The following DYNC2I1 variants were observed in gnomAD, a reference collection of about 807,000 sequenced individuals.
DYNC2I1 encodes dynein 2 intermediate chain 1.
Under a neutral mutation model 133.4 loss-of-function variants are expected in DYNC2I1, and 89 were observed. The observed-to-expected ratio is 0.67, with a 90% CI of 0.56 to 0.80. The LOEUF is 0.80. DYNC2I1 is among the 30% of genes least tolerant of loss of function. DYNC2I1 has a pLI of 0.00. For missense variants in DYNC2I1, 1,291 were observed against 1,314.5 expected (o/e 0.98, Z 0.28); for synonymous variants, 504 against 484.3 (o/e 1.04, Z -0.54).
At chr7:158,951,818 C>A (rs987517094) in intron 4 of DYNC2I1, among the ~76,000 whole-genome samples, 2 of 152,184 alleles carry the variant, frequency 1.3e-5, no homozygotes, top group African/African-American at 4.8e-5. Flanking sequence ...GAAGCTCCTC[C>A]TACCTCCCTG....
chr7:158,841,180 TA>T, the DYNC2I1 span, among the ~76,000 whole-genome samples: 3 of 12,674 alleles, frequency 2.4e-4, no homozygotes, highest in South Asian at 1.9e-3. Context: ...TATATATATA[TA>T]TATATATATA....
the DYNC2I1 span, among the ~76,000 whole-genome samples, chr7:158,851,338 G>T: frequency 1.3e-5 from 2 of 152,104 alleles, no homozygotes; most frequent in African/African-American, 4.8e-5. Flanking sequence ...TTCAAGACCA[G>T]CCTGGGCAAC....
intron 23 of DYNC2I1, among the ~76,000 whole-genome samples, chr7:158,935,273 G>A (rs1249139040): frequency 6.6e-6 from 1 of 152,194 alleles, no homozygotes; most frequent in East Asian, 1.9e-4. Flanking sequence ...TCCCCTCCAG[G>A]GCCTGGTGTC....
intron 13 of DYNC2I1, 42 bp downstream of exon 13, chr7:158,913,138 C>A: frequency 7.0e-7 from 1 of 1,418,608 alleles, no homozygotes; most frequent in Non-Finnish European, 9.7e-7. Flanking sequence ...ACTCTCTTTA[C>A]ATTCTTTTTT....
rs1851450869 is a variant in DYNC2I1 at position 158,942,231 on chromosome 7, T to G, written c.3002+83T>G. 10 of 1,093,056 alleles carry G rather than the reference T, an allele frequency of 9.1e-6. No homozygotes were observed. In the South Asian group the frequency reaches 1.7e-4, roughly 18 times the overall value. The allele number at this position is 1,093,056 out of a possible 1,614,324, so 67.7% of individuals were successfully genotyped here. On this transcript the variant is annotated intron_variant, in intron 24 of 24. Coordinates refer to ENST00000407559, the MANE Select transcript of DYNC2I1 (RefSeq NM_018051.5). Reference sequence around the variant, plus strand: ...CCACTTACGGTCTTTCTTCATTAATTTTTGCATGAGGCTGCTACATTTTAA... The same window carrying G: ...CCACTTACGGTCTTTCTTCATTAATGTTTGCATGAGGCTGCTACATTTTAA...
rs1842879394 is a variant in DYNC2I1, at chr7:158,871,567, G to A, written c.490+5G>A. ...CGGAGAGGAAAGGCCGCTCAGGTGG[G>A]TCCCCGCTTGCCTTCCTGTGGTTCC... On this transcript the variant is annotated splice_donor_5th_base_variant and intron_variant, in intron 3 of 24. Transcript: ENST00000407559. 2 of 1,523,970 alleles carry A rather than the reference G, an allele frequency of 1.3e-6. No individual in the cohort carries two copies. Among genetic ancestry groups the A allele is most frequent in the South Asian group, 2.4e-5 (2 of 82,048 alleles). The allele number at this position is 1,523,970 out of a possible 1,614,324, so 94.4% of individuals were successfully genotyped here.
the DYNC2I1 span, among the ~76,000 whole-genome samples, chr7:158,847,362 G>A: frequency 1.3e-5 from 2 of 151,970 alleles, no homozygotes; most frequent in African/African-American, 2.4e-5. Context: ...ACTTTAAATA[G>A]TGACTCTTAA....
chr7:158,850,257 C>G, the DYNC2I1 span, among the ~76,000 whole-genome samples: 1 of 152,102 alleles, frequency 6.6e-6, no homozygotes, highest in African/African-American at 2.4e-5. Context: ...GGCTCTTGTT[C>G]CCAGCTCCTG....
chr7:158,924,319 C>T (rs918975656), intron 17 of DYNC2I1, among the ~76,000 whole-genome samples: 4 of 152,262 alleles, frequency 2.6e-5, no homozygotes, highest in Admixed American at 6.5e-5. Context: ...ACGACATGGT[C>T]GGGCCTGCAC....
At position 158,884,438 on chromosome 7, in the gene DYNC2I1, G is replaced by T. The variant is rs1844394672; in HGVS notation, c.880-126G>T. ...CTGGTAAAAATAGTTATTTTAAAAG[G>T]TACTTGTGATGTACATGCTGTTGTT... On this transcript the variant is annotated intron_variant, in intron 5 of 24. Coordinates refer to ENST00000407559, the MANE Select transcript of DYNC2I1 (RefSeq NM_018051.5). 2.2e-5 allele frequency: 15 copies of T among 688,732 alleles called. 1 individual carries two copies. In the Admixed American group the frequency reaches 3.9e-4, roughly 18 times the overall value. The allele number at this position is 688,732 out of a possible 1,614,324, so 42.7% of individuals were successfully genotyped here. A position where few individuals can be genotyped will look rare whatever the true frequency, so the allele number is the denominator to read the frequency against.
At chr7:158,954,161 T>C (rs1399128676) in intron 4 of DYNC2I1, among the ~76,000 whole-genome samples, 2 of 152,160 alleles carry the variant, frequency 1.3e-5, no homozygotes, top group Admixed American at 6.5e-5. Context: ...TGCCTTTGCT[T>C]CTCCTTTGCC....
rs559016129 is a variant in DYNC2I1, at chr7:158,897,405, A to C, written c.1060-4334A>C. Among the ~76,000 whole-genome samples, 4 of 152,288 alleles carry C rather than the reference A, an allele frequency of 2.6e-5. 1 individual carries two copies. Among genetic ancestry groups the C allele is most frequent in the African/African-American group, 9.6e-5 (4 of 41,566 alleles). Reference sequence around the variant, plus strand: ...TTTCTTTTTTAGAAGGTTATTAATTATTGACTTGATGTCTTAATAGGTATA... The same window carrying C: ...TTTCTTTTTTAGAAGGTTATTAATTCTTGACTTGATGTCTTAATAGGTATA... On this transcript the variant is annotated intron_variant, in intron 8 of 24. Coordinates refer to ENST00000407559, the MANE Select transcript of DYNC2I1 (RefSeq NM_018051.5).
intron 2 of DYNC2I1, among the ~76,000 whole-genome samples, chr7:158,870,576 T>C (rs1005388344): frequency 3.3e-5 from 5 of 152,130 alleles, no homozygotes; most frequent in Non-Finnish European, 5.9e-5. Context: ...TCTTGCTATG[T>C]TGCTTGGGCT....
At chr7:158,943,732 G>A (rs1472691196) in intron 24 of DYNC2I1, among the ~76,000 whole-genome samples, 1 of 152,164 alleles carries the variant, frequency 6.6e-6, no homozygotes, top group African/African-American at 2.4e-5. Flanking sequence ...GCACCCTTCG[G>A]TTCTGGAGCC....
At chr7:158,935,109 T>A (rs1444273085) in intron 23 of DYNC2I1, among the ~76,000 whole-genome samples, 1 of 152,270 alleles carries the variant, frequency 6.6e-6, no homozygotes, top group African/African-American at 2.4e-5. Flanking sequence ...TGTGAGGATT[T>A]TTGCCTGTGT....
the DYNC2I1 span, among the ~76,000 whole-genome samples, chr7:158,839,819 C>CAA: frequency 5.5e-4 from 77 of 141,178 alleles, no homozygotes; most frequent in African/African-American, 1.8e-3. Context: ...GACTCCGTCT[C>CAA]AAAAAAAAAA....
Position 158,871,527 on chromosome 7 carries a change from A to C in DYNC2I1, c.455A>C (p.Gln152Pro). ...CTGGGCCAGGAGACACGCGACCGGC[A>C]GCTCCTGGAGCGGGCGGAGAGGAAA... is the stretch of plus-strand genomic sequence containing the variant. ...NLLGQETRDR[Q>P]LLERAERKGR... The change falls in exon 3 of 25, where the codon CAG becomes CCG. Residue 152 changes from glutamine to proline, a missense_variant. By Grantham distance (76) the Gln-to-Pro change is moderately conservative (BLOSUM62 -1). Coordinates refer to ENST00000407559, the MANE Select transcript of DYNC2I1 (RefSeq NM_018051.5). 3.2e-6 allele frequency: 5 copies of C among 1,543,718 alleles called. No individual in the cohort carries two copies. Among genetic ancestry groups the C allele is most frequent in the Non-Finnish European group, 4.4e-6 (5 of 1,146,608 alleles).
At chr7:158,871,821 A>G (rs1424868791) in intron 3 of DYNC2I1, among the ~76,000 whole-genome samples, 2 of 152,094 alleles carry the variant, frequency 1.3e-5, no homozygotes, top group South Asian at 4.2e-4. Context: ...CAGACATGCC[A>G]CTGTGCCCAG....
chr7:158,874,985 A>G (rs918712764), intron 3 of DYNC2I1, among the ~76,000 whole-genome samples: 2 of 151,678 alleles, frequency 1.3e-5, no homozygotes, highest in African/African-American at 4.9e-5. Flanking sequence ...TTTCTCTTCC[A>G]GTCTCTTGGA....
Sources: gnomAD v4.1 joint callset for allele counts (sites outside exome capture counted in the v4.1 genomes callset) on GRCh38, gnomAD v4.1.1 for gene constraint, MANE v1.5 for transcripts, NCBI Gene and HGNC (gene_info 2026-07-23, HGNC 2026-07-21) for gene names.